The following ANKRD44 variants were observed in gnomAD, a reference collection of about 807,000 sequenced individuals.
The protein encoded by ANKRD44 is serine/threonine-protein phosphatase 6 regulatory ankyrin repeat subunit B.
ANKRD44 carries 35 observed loss-of-function variants against 116.0 expected under a neutral mutation model. That is an observed-to-expected ratio of 0.30 (90% CI 0.23 to 0.40). The LOEUF (loss-of-function observed/expected upper bound fraction) is 0.40, where lower values mean the gene tolerates loss of function less well. ANKRD44 is among the 10% of genes least tolerant of loss of function. ANKRD44 has a pLI of 1.00. For synonymous variants in ANKRD44, 435 were observed against 461.8 expected (o/e 0.94, Z 0.74); for missense variants, 1,014 against 1,242.6 (o/e 0.82, Z 2.77).
intron 9 of ANKRD44, among the ~76,000 whole-genome samples, chr2:197,107,201 G>T (rs999767694): frequency 6.6e-6 from 1 of 152,148 alleles, no homozygotes; most frequent in African/African-American, 2.4e-5. Flanking sequence ...AAGTTGCCTT[G>T]GAAGGATTGT....
At chr2:197,064,700 C>T (rs1349325831) in intron 16 of ANKRD44, among the ~76,000 whole-genome samples, 2 of 152,070 alleles carry the variant, frequency 1.3e-5, no homozygotes. Flanking sequence ...TCAAAAGAGA[C>T]AAAGAAGGCC....
chr2:197,255,338 A>G (rs16863679), intron 1 of ANKRD44, among the ~76,000 whole-genome samples: 4,025 of 152,208 alleles, frequency 0.026, 169 homozygotes, highest in African/African-American at 0.091. Context: ...TACACAGAAC[A>G]CTCATGTGAG....
At position 197,141,907 on chromosome 2, in the gene ANKRD44, A is replaced by G. The variant is rs529026979; in HGVS notation, c.190+5120T>C. Among the ~76,000 whole-genome samples the G allele has an allele frequency of 3.5e-4, 53 of 152,314 alleles. 3 individuals carry two copies. In the South Asian group the frequency reaches 0.011, roughly 32 times the overall value. On this transcript the variant is annotated intron_variant, in intron 3 of 27. Transcript: ENST00000282272. ...TCAGATGGTTTTGGCTATGAATTGA[A>G]TATTTATAGCTGATTTTTTCTAAAG...
chr2:197,081,546 G>A (rs1414848804), intron 15 of ANKRD44, 99 bp downstream of exon 15: 1 of 1,071,702 alleles, frequency 9.3e-7, no homozygotes, highest in African/African-American at 1.6e-5. Flanking sequence ...AAGATCCCAA[G>A]TGAAACCCCA....
At chr2:197,275,454 A>T (rs1318293590) in intron 1 of ANKRD44, among the ~76,000 whole-genome samples, 1 of 150,510 alleles carries the variant, frequency 6.6e-6, no homozygotes, top group East Asian at 2.0e-4. Context: ...AAAAAAATAC[A>T]ACACGCACTC....
Position 197,095,277 on chromosome 2 carries a change from T to C in ANKRD44, c.1100+4539A>G, listed in dbSNP as rs745746420. Among the ~76,000 whole-genome samples the C allele has an allele frequency of 3.3e-5, 5 of 152,338 alleles. No individual in the cohort carries two copies. In the East Asian group the frequency reaches 5.8e-4, roughly 18 times the overall value. On this transcript the variant is annotated intron_variant, in intron 10 of 27. Transcript: ENST00000282272. The stretch of plus-strand genomic sequence containing the variant: ...GTCCATGTTTGTACTGAGGATCACA[T>C]TGGTGTTTGTGTAGTACTGGCATGG...
Position 197,005,578 on chromosome 2 carries a change from C to T in ANKRD44, c.2347+116G>A, listed in dbSNP as rs2076187129. 5.4e-6 allele frequency: 5 copies of T among 933,428 alleles called. No individual in the cohort carries two copies. In the East Asian group the frequency reaches 1.0e-4, roughly 19 times the overall value. 57.8% of individuals were successfully genotyped at this position (933,428 alleles called of 1,614,324 possible). ...ATACACAAAAAAGATATCTTGGATG[C>T]AGAAAGATTAGAAACCATGGTTTGC... On this transcript the variant is annotated intron_variant, in intron 21 of 27. Transcript: ENST00000282272.
intron 27 of ANKRD44, chr2:196,990,287 A>G (rs2075894107): frequency 1.0e-6 from 1 of 989,298 alleles, no homozygotes; most frequent in African/African-American, 1.7e-5. Context: ...CTTCCCTCCC[A>G]GGGGACATGA....
chr2:196,978,915 G>A lies in ANKRD44; in HGVS notation c.2369-11469C>T, dbSNP rs192550471. 1.1e-4 allele frequency among the ~76,000 whole-genome samples: 16 copies of A among 147,056 alleles called. No individual in the cohort carries two copies. In the East Asian group the frequency reaches 1.8e-3, roughly 16 times the overall value. On this transcript the variant is annotated intron_variant, in intron 21 of 21. Transcript: ENST00000424317. ...ATATTGTTTTAAAAAAAAAAAAGGC[G>A]ACAAAAAAGAAAATAATAGTAACAT...
At chr2:197,077,636 C>T (rs887992089) in intron 16 of ANKRD44, among the ~76,000 whole-genome samples, 4 of 152,168 alleles carry the variant, frequency 2.6e-5, no homozygotes, top group Non-Finnish European at 5.9e-5. Flanking sequence ...AACTTTCTGT[C>T]CCACTAAAAC....
Position 197,083,430 on chromosome 2 carries a change from C to A in ANKRD44, c.1396G>T (p.Glu466Ter). The A allele has an allele frequency of 6.2e-7, 1 of 1,614,026 alleles. No homozygotes were observed. Among genetic ancestry groups the A allele is most frequent in the South Asian group, 1.1e-5 (1 of 91,050 alleles). Reference protein sequence around the residue: ...TLVTTGANVNETDDWGRTALH... With the variant: ...TLVTTGANVN ...GCTGTGCGTCCCCAGTCATCTGTTT[C>A]ATTAACGTTGGCCCCTGTGGTCACT... is the stretch of plus-strand genomic sequence containing the variant. Residue 466 changes from glutamate (E) to a stop codon, truncating the protein, a stop_gained, in exon 14 of 28, where the codon GAA becomes TAA. Transcript: ENST00000282272. LOFTEE classifies it high-confidence loss of function.
intron 16 of ANKRD44, among the ~76,000 whole-genome samples, chr2:197,074,434 T>TA (rs2077622813): frequency 6.6e-6 from 1 of 152,184 alleles, no homozygotes; most frequent in South Asian, 2.1e-4. Flanking sequence ...CCTGCTTTCT[T>TA]AGTCTTGAGA....
intron 4 of ANKRD44, among the ~76,000 whole-genome samples, chr2:197,131,674 G>GA (rs933720481): frequency 6.6e-5 from 10 of 152,154 alleles, no homozygotes; most frequent in African/African-American, 2.4e-4. Flanking sequence ...GGTTATAGCA[G>GA]AAAGGGCACC....
intron 1 of ANKRD44, among the ~76,000 whole-genome samples, chr2:197,278,409 T>G (rs550116073): frequency 1.3e-5 from 2 of 152,002 alleles, no homozygotes; most frequent in Non-Finnish European, 2.9e-5. Flanking sequence ...CAGGCTGGAG[T>G]GCAGTGGTGT....
intron 1 of ANKRD44, among the ~76,000 whole-genome samples, chr2:197,242,065 A>G (rs1193040954): frequency 6.6e-6 from 1 of 152,134 alleles, no homozygotes; most frequent in Non-Finnish European, 1.5e-5. Context: ...TTATCAGTAG[A>G]TCCTTGTTAA....
intron 4 of ANKRD44, among the ~76,000 whole-genome samples, chr2:197,126,890 T>C (rs2078988577): frequency 6.6e-6 from 1 of 151,912 alleles, no homozygotes; most frequent in South Asian, 2.1e-4. Context: ...GCGGCTGAAG[T>C]GGGAGCATCA....
intron 11 of ANKRD44, 145 bp from the exon 12 acceptor site, chr2:197,088,919 C>T: frequency 2.6e-6 from 2 of 773,478 alleles, no homozygotes; most frequent in Non-Finnish European, 3.8e-6. Flanking sequence ...AAGAGGTTGT[C>T]ATGGAAACGA....
rs571141147 is a variant in ANKRD44, at chr2:197,128,291, T to C, written c.262-2254A>G. 4.6e-5 allele frequency among the ~76,000 whole-genome samples: 7 copies of C among 152,340 alleles called. No individual in the cohort carries two copies. In the East Asian group the frequency reaches 1.3e-3, roughly 29 times the overall value. On this transcript the variant is annotated intron_variant, in intron 4 of 27. Transcript: ENST00000282272. The stretch of plus-strand genomic sequence containing the variant: ...AAAGCTTTCCTTTTTCTCTGCAACC[T>C]CACCAGCATCTCTTGTTTCTTGACA...
intron 21 of ANKRD44, among the ~76,000 whole-genome samples, chr2:197,004,339 C>T (rs922837311): frequency 3.3e-5 from 5 of 151,972 alleles, no homozygotes; most frequent in African/African-American, 9.7e-5. Context: ...AAAAAAACAT[C>T]CTAAACAAGG....
Sources: gnomAD v4.1 joint callset for allele counts (sites outside exome capture counted in the v4.1 genomes callset) on GRCh38, gnomAD v4.1.1 for gene constraint, MANE v1.5 for transcripts, NCBI Gene and HGNC (gene_info 2026-07-23, HGNC 2026-07-21) for gene names.